The following BLTP1 variants were observed in gnomAD, a reference collection of about 807,000 sequenced individuals.
BLTP1 encodes fragile site-associated protein.
the BLTP1 span, chr4:122,154,149 T>C: frequency 2.2e-6 from 2 of 900,910 alleles, no homozygotes; most frequent in Non-Finnish European, 2.6e-6. Context: ...AAGGTCAAAT[T>C]TTCGGTTAAA....
At chr4:122,354,318 T>G in the BLTP1 span, among the ~76,000 whole-genome samples, 1 of 152,166 alleles carries the variant, frequency 6.6e-6, no homozygotes, top group African/African-American at 2.4e-5. Flanking sequence ...TCTGGAAAAA[T>G]ATTTTTCTAG....
the BLTP1 span, chr4:122,300,847 A>C: frequency 1.2e-6 from 1 of 859,284 alleles, no homozygotes; most frequent in Non-Finnish European, 1.4e-6. Flanking sequence ...AATCAATGGA[A>C]AGAGAAGTGG....
At chr4:122,276,099 T>G in the BLTP1 span, 1 of 1,233,294 alleles carries the variant, frequency 8.1e-7, no homozygotes, top group Non-Finnish European at 1.1e-6. Context: ...TAAATTTTTT[T>G]CATGGCTGTG....
At chr4:122,169,332 G>A in the BLTP1 span, among the ~76,000 whole-genome samples, 1 of 152,148 alleles carries the variant, frequency 6.6e-6, no homozygotes, top group African/African-American at 2.4e-5. Context: ...TAAGTCAGAT[G>A]TACCAAATTT....
At chr4:122,350,122 T>A in the BLTP1 span, 6 of 1,560,276 alleles carry the variant, frequency 3.8e-6, no homozygotes, top group East Asian at 9.2e-5. Flanking sequence ...TTTCACTAAA[T>A]ATGTTACATT....
At chr4:122,260,926 C>T in the BLTP1 span, among the ~76,000 whole-genome samples, 1 of 152,066 alleles carries the variant, frequency 6.6e-6, no homozygotes, top group African/African-American at 2.4e-5. Context: ...GGAATGATCA[C>T]CGAAGTACAC....
chr4:122,290,260 G>A, the BLTP1 span, among the ~76,000 whole-genome samples: 1 of 152,214 alleles, frequency 6.6e-6, no homozygotes, highest in Admixed American at 6.5e-5. Flanking sequence ...TAGCCATGGA[G>A]TTTTTCCAAA....
the BLTP1 span, among the ~76,000 whole-genome samples, chr4:122,302,867 C>G: frequency 6.6e-6 from 1 of 152,232 alleles, no homozygotes; most frequent in East Asian, 1.9e-4. Context: ...TTCTTCAATT[C>G]TATGAAGGCT....
At chr4:122,339,101 TA>T in the BLTP1 span, 46 of 1,305,908 alleles carry the variant, frequency 3.5e-5, no homozygotes, top group Admixed American at 5.0e-5. Flanking sequence ...TCTTTCTGTT[TA>T]AAAAAAATGT....
chr4:122,329,417 T>C, the BLTP1 span, among the ~76,000 whole-genome samples: 35 of 151,762 alleles, frequency 2.3e-4, no homozygotes, highest in Non-Finnish European at 5.0e-4. Context: ...TGTCATTATA[T>C]TTAATTTCAT....
the BLTP1 span, chr4:122,355,945 T>A: frequency 6.2e-7 from 1 of 1,611,970 alleles, no homozygotes; most frequent in Non-Finnish European, 8.5e-7. Context: ...GCAGCTTGAC[T>A]TTAAATCCAT....
At chr4:122,231,506 C>G in the BLTP1 span, 1 of 294,754 alleles carries the variant, frequency 3.4e-6, no homozygotes, top group Non-Finnish European at 5.0e-6. Context: ...TAGATGATCA[C>G]CTTTTTGTGA....
the BLTP1 span, chr4:122,199,463 T>A: frequency 6.3e-7 from 1 of 1,597,338 alleles, no homozygotes; most frequent in Admixed American, 1.7e-5. Flanking sequence ...AAGTCTGTAG[T>A]ACATGATGAT....
the BLTP1 span, chr4:122,304,697 C>T: frequency 4.7e-6 from 7 of 1,494,252 alleles, no homozygotes; most frequent in Non-Finnish European, 5.3e-6. Flanking sequence ...TGGTTTAAAA[C>T]ACGACTATTT....
the BLTP1 span, among the ~76,000 whole-genome samples, chr4:122,223,359 G>C: frequency 1.3e-5 from 2 of 152,166 alleles, no homozygotes; most frequent in Admixed American, 1.3e-4. Context: ...ACTAGGTTGA[G>C]AAATAATTTG....
At chr4:122,294,095 TACAGAACTC>T in the BLTP1 span, among the ~76,000 whole-genome samples, 1 of 151,872 alleles carries the variant, frequency 6.6e-6, no homozygotes, top group African/African-American at 2.4e-5. Flanking sequence ...GAGTTATACA[TACAGAACTC>T]ACAGAACTCT....
At chr4:122,166,557 G>T in the BLTP1 span, among the ~76,000 whole-genome samples, 2 of 152,140 alleles carry the variant, frequency 1.3e-5, no homozygotes, top group Admixed American at 6.5e-5. Context: ...GGCAATGCAG[G>T]CTCTTTTTTG....
At chr4:122,240,436 ATTCTTTTTAGCTACCTT>A in the BLTP1 span, 1 of 1,198,994 alleles carries the variant, frequency 8.3e-7, no homozygotes, top group Non-Finnish European at 1.2e-6. Flanking sequence ...AATTACTCTC[ATTCTTTTTAGCTACCTT>A]TCTGAGAGAG....
At chr4:122,273,531 T>C in the BLTP1 span, 2 of 600,616 alleles carry the variant, frequency 3.3e-6, no homozygotes, top group East Asian at 1.4e-4. Flanking sequence ...TTAGCCAAAG[T>C]TAAGAATGAC....
Sources: allele counts gnomAD v4.1 joint callset (sites outside exome capture counted in the v4.1 genomes callset), GRCh38; gene constraint gnomAD v4.1.1; transcripts MANE v1.5; gene names NCBI Gene and HGNC (gene_info 2026-07-23, HGNC 2026-07-21).